The following RALYL variants were observed in gnomAD, a reference collection of about 807,000 sequenced individuals.
The protein encoded by RALYL is RALY RNA binding protein like, also known as RNA-binding Raly-like protein.
In RALYL, 29 loss-of-function variants were observed where a neutral mutation model predicts 35.1. That is an observed-to-expected ratio of 0.83 (90% CI 0.61 to 1.13). The LOEUF is 1.13. Among genes scored for constraint, RALYL ranks in the 50% most tolerant of loss-of-function variants. The probability of loss-of-function intolerance (pLI) is 0.00; values close to 1 mark genes in which losing one functional copy is unlikely to be tolerated. For missense variants in RALYL, 359 were observed against 360.4 expected (o/e 1.00, Z 0.03); for synonymous variants, 120 against 127.6 (o/e 0.94, Z 0.40).
At chr8:84,368,553 A>G (rs1438417771) in intron 1 of RALYL, among the ~76,000 whole-genome samples, 9 of 152,166 alleles carry the variant, frequency 5.9e-5, no homozygotes, top group Admixed American at 4.6e-4. Context: ...ATGGACTCAC[A>G]GTTCCACGTA....
At chr8:84,339,006 C>T (rs923688) in intron 1 of RALYL, among the ~76,000 whole-genome samples, 6,737 of 152,108 alleles carry the variant, frequency 0.044, 208 homozygotes, top group Middle Eastern at 0.11. Flanking sequence ...GAGGTATCCT[C>T]AGAAACCAAA....
intron 1 of RALYL, among the ~76,000 whole-genome samples, chr8:84,444,535 G>A (rs1329102199): frequency 6.6e-6 from 1 of 151,980 alleles, no homozygotes; most frequent in African/African-American, 2.4e-5. Flanking sequence ...AAATGGTTAG[G>A]TATGCACGCT....
chr8:84,594,461 T>G (rs1171539967), intron 2 of RALYL, among the ~76,000 whole-genome samples: 1 of 152,034 alleles, frequency 6.6e-6, no homozygotes, highest in Admixed American at 6.6e-5. Flanking sequence ...GAAATTCATA[T>G]ATAGATAAAA....
chr8:84,755,918 A>G (rs1462565842), intron 2 of RALYL, among the ~76,000 whole-genome samples: 7 of 152,064 alleles, frequency 4.6e-5, no homozygotes, highest in Admixed American at 1.3e-4. Flanking sequence ...GACATTTGAC[A>G]ATGCCATTAA....
At chr8:84,606,069 G>T (rs1050867230) in intron 2 of RALYL, among the ~76,000 whole-genome samples, 2 of 152,046 alleles carry the variant, frequency 1.3e-5, no homozygotes, top group East Asian at 3.9e-4. Flanking sequence ...ATCACAGGAG[G>T]TTTTCAACCC....
chr8:84,296,679 T>G (rs1839819716), intron 1 of RALYL, among the ~76,000 whole-genome samples: 1 of 140,136 alleles, frequency 7.1e-6, no homozygotes, highest in African/African-American at 2.7e-5. Flanking sequence ...TCAAGGAACA[T>G]GTAGGAAAAG....
chr8:84,862,936 A>T (rs935817706), intron 6 of RALYL, among the ~76,000 whole-genome samples: 6 of 152,242 alleles, frequency 3.9e-5, no homozygotes. Flanking sequence ...AGATATATGT[A>T]TCTGAAGATA....
intron 2 of RALYL, among the ~76,000 whole-genome samples, chr8:84,545,658 C>T (rs755957263): frequency 5.9e-5 from 9 of 152,016 alleles, no homozygotes; most frequent in Admixed American, 6.6e-5. Flanking sequence ...TGTTTTAATA[C>T]ATTCTTTTAA....
chr8:84,193,011 T>G (rs1242778243), intron 1 of RALYL, among the ~76,000 whole-genome samples: 1 of 151,960 alleles, frequency 6.6e-6, no homozygotes, highest in Non-Finnish European at 1.5e-5. Context: ...TTTCTAGTAT[T>G]CCATCTATTT....
chr8:84,679,731 G>T, intron 2 of RALYL: 1 of 522,562 alleles, frequency 1.9e-6, no homozygotes, highest in South Asian at 1.4e-5. Flanking sequence ...ATTAAGTGCT[G>T]ATGGCCACTA....
chr8:84,684,277 G>A (rs143370770), intron 2 of RALYL, among the ~76,000 whole-genome samples: 2,276 of 152,252 alleles, frequency 0.015, 22 homozygotes, highest in Middle Eastern at 0.048. Context: ...CTTGTGCCAA[G>A]TTACTGTGCT....
chr8:84,816,045 A>G (rs915006848), intron 4 of RALYL, among the ~76,000 whole-genome samples: 18 of 151,338 alleles, frequency 1.2e-4, no homozygotes, highest in Middle Eastern at 3.4e-3. Flanking sequence ...AAAAAAAAAA[A>G]AAAAAAAGAA....
At chr8:84,841,641 C>A (rs561778023) in intron 4 of RALYL, among the ~76,000 whole-genome samples, 1 of 152,298 alleles carries the variant, frequency 6.6e-6, no homozygotes, top group East Asian at 1.9e-4. Flanking sequence ...ACAGAACTGT[C>A]TACCCCAAAT....
At chr8:84,469,097 T>C (rs910157160) in intron 1 of RALYL, among the ~76,000 whole-genome samples, 4 of 152,280 alleles carry the variant, frequency 2.6e-5, no homozygotes, top group South Asian at 4.1e-4. Flanking sequence ...TGAATGTCCT[T>C]CCGTAGCTCA....
At chr8:84,401,892 C>T (rs1372854246) in intron 1 of RALYL, among the ~76,000 whole-genome samples, 2 of 108,856 alleles carry the variant, frequency 1.8e-5, no homozygotes, top group Non-Finnish European at 3.6e-5. Context: ...GCCTCAAGCA[C>T]CTTTCTAGTT....
chr8:84,248,475 G>A lies in RALYL; in HGVS notation c.-24+64051G>A, dbSNP rs76485578. On this transcript the variant is annotated intron_variant, in intron 1 of 8. Transcript: ENST00000521268. ...CAGAATTCATACATCATTAATGATT[G>A]TTCTAATATTGTTTCCACAAAATGG... Among the ~76,000 whole-genome samples the A allele has an allele frequency of 4.4e-3, 665 of 152,170 alleles. 2 individuals carry two copies. Among genetic ancestry groups the A allele is most frequent in the African/African-American group, 0.016 (644 of 41,540 alleles).
intron 2 of RALYL, among the ~76,000 whole-genome samples, chr8:84,730,650 C>T (rs1209445822): frequency 1.4e-5 from 2 of 139,452 alleles, no homozygotes; most frequent in Non-Finnish European, 3.0e-5. Context: ...TGTCTCAGCC[C>T]AAAAACTCTT....
intron 2 of RALYL, among the ~76,000 whole-genome samples, chr8:84,739,811 G>A (rs1847959033): frequency 6.6e-6 from 1 of 151,804 alleles, no homozygotes; most frequent in Non-Finnish European, 1.5e-5. Context: ...AATCTTTAAA[G>A]TTAAACTTTT....
intron 1 of RALYL, among the ~76,000 whole-genome samples, chr8:84,451,108 C>G (rs1350644661): frequency 6.6e-6 from 1 of 151,910 alleles, no homozygotes; most frequent in African/African-American, 2.4e-5. Flanking sequence ...AAGATTAACT[C>G]TAGCCAAAGA....
Sources: gnomAD v4.1 joint callset for allele counts (sites outside exome capture counted in the v4.1 genomes callset) on GRCh38, gnomAD v4.1.1 for gene constraint, MANE v1.5 for transcripts, NCBI Gene and HGNC (gene_info 2026-07-23, HGNC 2026-07-21) for gene names.